Variants in ZNF554 observed in about 807,000 individuals in gnomAD.
The protein encoded by ZNF554 is zinc finger protein 554.
A neutral mutation model predicts 21.2 loss-of-function variants in ZNF554; 15 were observed. That is an observed-to-expected ratio of 0.71 (90% CI 0.47 to 1.09). ZNF554 has a LOEUF of 1.09. Ranked by LOEUF, ZNF554 falls within the 50% of genes least tolerant of loss-of-function variation. The pLI is 0.00. For synonymous variants in ZNF554, 258 were observed against 251.4 expected, an observed-to-expected ratio of 1.03 and a Z score of -0.25; for missense variants, 691 against 662.7, an observed-to-expected ratio of 1.04 and a Z score of -0.47.
rs747258478 is a variant in ZNF554, at chr19:2,834,141, G to A, written c.906G>A (p.Gly302=). Residue 302 remains glycine (G), a synonymous_variant, in exon 5 of 5, where the codon GGG becomes GGA. Coordinates refer to ENST00000317243, the MANE Select transcript of ZNF554 (RefSeq NM_001102651.2). ...GGKMFVYLEN[G]QSLNHGMALT... Reference sequence around the variant, plus strand: ...AGATGTTTGTGTATTTGGAAAATGGGCAGTCATTGAACCACGGTATGGCCC... The same window carrying A: ...AGATGTTTGTGTATTTGGAAAATGGACAGTCATTGAACCACGGTATGGCCC... 6.2e-7 allele frequency: 1 copy of A among 1,614,020 alleles called. No homozygotes were observed. Among genetic ancestry groups the A allele is most frequent in the Non-Finnish European group, 8.5e-7 (1 of 1,180,036 alleles).
rs763728556 is a variant in ZNF554 at position 2,834,115 on chromosome 19, A to G, written c.880A>G (p.Lys294Glu). The change falls in exon 5 of 5, where the codon AAG (lysine) becomes GAG (glutamate). Residue 294 changes from lysine to glutamate, a missense_variant. Transcript: ENST00000317243. ...QNSHFIQHGG[K>E]MFVYLENGQS... Reference sequence around the variant, plus strand: ...CAGTCACTTTATTCAACACGGGGGGAAGATGTTTGTGTATTTGGAAAATGG... The same window carrying G: ...CAGTCACTTTATTCAACACGGGGGGGAGATGTTTGTGTATTTGGAAAATGG... 3 of 1,613,926 alleles carry G rather than the reference A, an allele frequency of 1.9e-6. No homozygotes were observed. The African/African-American group carries it at 4.0e-5, about 22-fold the overall frequency.
chr19:2,826,958 G>A (rs1599547135), intron 2 of ZNF554, among the ~76,000 whole-genome samples: 1 of 152,136 alleles, frequency 6.6e-6, no homozygotes, highest in Non-Finnish European at 1.5e-5. Context: ...CACTGCGACT[G>A]GCTGCAGATT....
rs562495427 is a variant in ZNF554, at chr19:2,824,844, A to G, written c.126+1732A>G. 7.3e-4 allele frequency among the ~76,000 whole-genome samples: 111 copies of G among 151,958 alleles called. 1 individual carries two copies. Among genetic ancestry groups the G allele is most frequent in the African/African-American group, 2.5e-3 (104 of 41,440 alleles). On this transcript the variant is annotated intron_variant, in intron 2 of 4. Transcript: ENST00000317243. ...CAAACTGAAGCTCTGTCCCCATGAGACACTCATTCCCTGTCCCCCTCCCCA... is the reference window on the plus strand; with the variant it reads ...CAAACTGAAGCTCTGTCCCCATGAGGCACTCATTCCCTGTCCCCCTCCCCA...
At position 2,826,873 on chromosome 19, in the gene ZNF554, A is replaced by G. The variant is rs556459930; in HGVS notation, c.127-744A>G. Among the ~76,000 whole-genome samples the G allele has an allele frequency of 3.3e-5, 5 of 152,200 alleles. No individual in the cohort carries two copies. The East Asian group carries it at 9.7e-4, about 29-fold the overall frequency. On this transcript the variant is annotated intron_variant, in intron 2 of 4. Transcript: ENST00000317243. ...GAGACGGGGTTTCACTGCGTTCGCCAGGATGGTCTCGATCTCCTGACGTCG... is the reference window on the plus strand; with the variant it reads ...GAGACGGGGTTTCACTGCGTTCGCCGGGATGGTCTCGATCTCCTGACGTCG...
At position 2,833,981 on chromosome 19, in the gene ZNF554, T is replaced by G. The variant is rs2087457970; in HGVS notation, c.746T>G (p.Leu249Ter). The G allele has an allele frequency of 6.2e-7, 1 of 1,613,994 alleles. No individual in the cohort carries two copies. The highest frequency in any genetic ancestry group is 1.1e-5 in the South Asian group (1 of 91,092). ...SKGNHLCGSE[L>*]DITSLASDSV... Reference sequence around the variant, plus strand: ...GGGAACCACTTGTGTGGCAGCGAGTTAGATATTACAAGCTTGGCATCCGAT... The same window carrying G: ...GGGAACCACTTGTGTGGCAGCGAGTGAGATATTACAAGCTTGGCATCCGAT... The change falls in exon 5 of 5, where the codon TTA becomes TGA. Residue 249 changes from leucine to a stop codon, truncating the protein, a stop_gained. Transcript: ENST00000317243. LOFTEE classifies it low-confidence loss of function (END_TRUNC).
In ZNF554 at chr19:2,820,105, C is replaced by T; in HGVS notation, c.34C>T (p.Arg12Trp). ...VTCAHLGRRARLPAAQPSACP... is the reference protein window; with the variant it reads ...VTCAHLGRRAWLPAAQPSACP... ...CTGCGCCCACCTGGGCCGGCGCGCG[C>T]GGCTCCCGGCAGCTCAGCCGTAAGT... is the stretch of plus-strand genomic sequence containing the variant. The change falls in exon 1 of 5, where the codon CGG (arginine) becomes TGG (tryptophan). Residue 12 changes from arginine to tryptophan, a missense_variant. Physicochemically the swap from Arg to Trp is moderately radical, Grantham distance 101. Coordinates refer to ENST00000317243, the MANE Select transcript of ZNF554 (RefSeq NM_001102651.2). The T allele has an allele frequency of 8.2e-7, 1 of 1,218,350 alleles. No homozygotes were observed. The highest frequency in any genetic ancestry group is 1.0e-6 in the Non-Finnish European group (1 of 978,906). The allele number at this position is 1,218,350 out of a possible 1,614,324, so 75.5% of individuals were successfully genotyped here. A position where few individuals can be genotyped will look rare whatever the true frequency, so the allele number is the denominator to read the frequency against.
At position 2,832,457 on chromosome 19, in the gene ZNF554, G is replaced by A. The variant is rs1364448344; in HGVS notation, c.408G>A (p.Trp136Ter). ...ACTTGGAGCAAAGAGAAGCCCTGTG[G>A]ATAGAGGAAAAAGGAACTCCTCAAG... Reference protein sequence around the residue: ...SSHLEQREALWIEEKGTPQAS... With the variant: ...SSHLEQREAL Residue 136 changes from tryptophan (W) to a stop codon, truncating the protein, a stop_gained, in exon 4 of 5, where the codon TGG becomes TGA. Transcript: ENST00000317243. LOFTEE classifies it low-confidence loss of function (END_TRUNC). 6.2e-7 allele frequency: 1 copy of A among 1,611,980 alleles called. No individual in the cohort carries two copies. Among genetic ancestry groups the A allele is most frequent in the South Asian group, 1.1e-5 (1 of 90,742 alleles).
Position 2,834,684 on chromosome 19 carries a change from G to A in ZNF554, c.1449G>A (p.Glu483=), listed in dbSNP as rs1479986418. 4 of 1,613,912 alleles carry A rather than the reference G, an allele frequency of 2.5e-6. No homozygotes were observed. Among genetic ancestry groups the A allele is most frequent in the Non-Finnish European group, 1.7e-6 (2 of 1,179,950 alleles). The part of the protein sequence containing the change: ...FSQRSSLVRH[E]RTHTGEKPYR... ...AGAGGTCTTCCCTTGTGAGGCACGA[G>A]AGAACTCACACTGGAGAGAAACCCT... is the stretch of plus-strand genomic sequence containing the variant. The change falls in exon 5 of 5, where the codon GAG becomes GAA. Residue 483 remains glutamate, a synonymous_variant. Coordinates refer to ENST00000317243, the MANE Select transcript of ZNF554 (RefSeq NM_001102651.2).
chr19:2,828,555 T>C (rs2087367533), intron 3 of ZNF554, among the ~76,000 whole-genome samples: 1 of 151,784 alleles, frequency 6.6e-6, no homozygotes, highest in Non-Finnish European at 1.5e-5. Flanking sequence ...TAATCCCAGC[T>C]ACTCAGGAGG....
rs1236109311 is a variant in ZNF554 at position 2,834,393 on chromosome 19, G to T, written c.1158G>T (p.Gly386=). 7 of 1,613,844 alleles carry T rather than the reference G, an allele frequency of 4.3e-6. No individual in the cohort carries two copies. In the South Asian group the frequency reaches 7.7e-5, roughly 18 times the overall value. The change falls in exon 5 of 5, where the codon GGG becomes GGT. Residue 386 remains glycine (G), a synonymous_variant. Coordinates refer to ENST00000317243, the MANE Select transcript of ZNF554 (RefSeq NM_001102651.2). ...GEKPYGCGEC[G]KAFNRISSLT... ...AGCCCTACGGGTGCGGTGAGTGCGG[G>T]AAAGCCTTCAACAGGATCTCATCGC...
Position 2,819,975 on chromosome 19 carries a change from G to C in ZNF554, c.-97G>C. 5 of 990,262 alleles carry C rather than the reference G, an allele frequency of 5.0e-6. No homozygotes were observed. The highest frequency in any genetic ancestry group is 6.4e-6 in the Non-Finnish European group (5 of 781,264). The allele number at this position is 990,262 out of a possible 1,614,324, so 61.3% of individuals were successfully genotyped here. A position where few individuals can be genotyped will look rare whatever the true frequency, so the allele number is the denominator to read the frequency against. Reference sequence around the variant, plus strand: ...CGCTCCGAGCGCCGAGGAGCCGAGCGGAGGAGGCGTCCCAGGGACACGCAG... The same window carrying C: ...CGCTCCGAGCGCCGAGGAGCCGAGCCGAGGAGGCGTCCCAGGGACACGCAG... On this transcript the variant is annotated 5_prime_UTR_variant, in exon 1 of 5. Transcript: ENST00000317243.
At position 2,833,814 on chromosome 19, in the gene ZNF554, T is replaced by A; in HGVS notation, c.579T>A (p.His193Gln). ...GATGGAAGCAGTTAGAGGACAGCCA[T>A]GAAGACCCCCAGGGGCTTTTGAGCC... is the stretch of plus-strand genomic sequence containing the variant. Reference protein sequence around the residue: ...DGGWKQLEDSHEDPQGLLSQK... With the variant: ...DGGWKQLEDSQEDPQGLLSQK... Residue 193 changes from histidine (H) to glutamine (Q), a missense_variant, in exon 5 of 5, where the codon CAT becomes CAA. Physicochemically the swap from His to Gln is conservative, Grantham distance 24. Transcript: ENST00000317243. The A allele has an allele frequency of 1.2e-6, 2 of 1,612,686 alleles. No individual in the cohort carries two copies. Among genetic ancestry groups the A allele is most frequent in the South Asian group, 1.1e-5 (1 of 90,980 alleles).
Position 2,833,884 on chromosome 19 carries a change from A to G in ZNF554, c.649A>G (p.Thr217Ala), listed in dbSNP as rs2087455325. The change falls in exon 5 of 5, where the codon ACT (threonine) becomes GCT (alanine). Residue 217 changes from threonine (T) to alanine (A), a missense_variant. Physicochemically the swap from Thr to Ala is moderately conservative, Grantham distance 58 (BLOSUM62 0). Transcript: ENST00000317243. Reference protein sequence around the residue: ...HVVAVPQEKATAWHGFGENGN... With the variant: ...HVVAVPQEKAAAWHGFGENGN... ...AGTGGCCGTTCCTCAGGAGAAGGCT[A>G]CTGCATGGCATGGATTTGGGGAAAA... is the stretch of plus-strand genomic sequence containing the variant. 6.2e-7 allele frequency: 1 copy of G among 1,613,652 alleles called. No homozygotes were observed. Among genetic ancestry groups the G allele is most frequent in the Non-Finnish European group, 8.5e-7 (1 of 1,179,754 alleles).
At position 2,834,152 on chromosome 19, in the gene ZNF554, ACC is replaced by A; in HGVS notation, c.918_919del (p.Asn306LysfsTer19). The A allele has an allele frequency of 6.2e-7, 1 of 1,614,032 alleles. No homozygotes were observed. The highest frequency in any genetic ancestry group is 8.5e-7 in the Non-Finnish European group (1 of 1,180,038). On this transcript the variant is annotated frameshift_variant, in exon 5 of 5. Transcript: ENST00000317243. LOFTEE classifies it low-confidence loss of function (END_TRUNC). ...TATTTGGAAAATGGGCAGTCATTGAACCACGGTATGGCCCTGACTATCCACAA... is the reference window on the plus strand; with the variant it reads ...TATTTGGAAAATGGGCAGTCATTGAAACGGTATGGCCCTGACTATCCACAA...
chr19:2,829,764 A>G (rs564896932), intron 3 of ZNF554, among the ~76,000 whole-genome samples: 50 of 152,262 alleles, frequency 3.3e-4, no homozygotes, highest in African/African-American at 1.1e-3. Context: ...CACTAAATGC[A>G]TTCAGCATGT....
rs368653141 is a variant in ZNF554 at position 2,834,217 on chromosome 19, C to T, written c.982C>T (p.Gln328Ter). 1.2e-6 allele frequency: 2 copies of T among 1,613,906 alleles called. No individual in the cohort carries two copies. Among genetic ancestry groups the T allele is most frequent in the Non-Finnish European group, 1.7e-6 (2 of 1,180,040 alleles). Residue 328 changes from glutamine (Q) to a stop codon, truncating the protein, a stop_gained, in exon 5 of 5, where the codon CAG (glutamine) becomes TAG (stop). Transcript: ENST00000317243. LOFTEE classifies it low-confidence loss of function (END_TRUNC). ...GGCAGAGAAACCCTTTGAGTGCCAC[C>T]AGTGTGGGAAGGTGTTCAACCGGAG... ...NTAEKPFECHQCGKVFNRRHS... is the reference protein window; with the variant it reads ...NTAEKPFECH
chr19:2,829,693 ATATCTC>A (rs2087387153), intron 3 of ZNF554, among the ~76,000 whole-genome samples: 2 of 152,252 alleles, frequency 1.3e-5, no homozygotes, highest in South Asian at 4.1e-4. Flanking sequence ...ATCTATCTAT[ATATCTC>A]TATATAAACA....
In ZNF554 at chr19:2,819,961, C is replaced by T; in HGVS notation, c.-111C>T. On this transcript the variant is annotated 5_prime_UTR_variant, in exon 1 of 5. Transcript: ENST00000317243. ...CTGCGGGGGGCGTCCGCTCCGAGCG[C>T]CGAGGAGCCGAGCGGAGGAGGCGTC... 2 of 880,196 alleles carry T rather than the reference C, an allele frequency of 2.3e-6. No individual in the cohort carries two copies. The highest frequency in any genetic ancestry group is 4.0e-5 in the East Asian group (1 of 24,784). The allele number at this position is 880,196 out of a possible 1,614,324, so 54.5% of individuals were successfully genotyped here.
rs762586098 is a variant in ZNF554 at position 2,820,684 on chromosome 19, C to CTTTTTTTTTTTTTT, written c.53+563_53+576dup. Among the ~76,000 whole-genome samples the CTTTTTTTTTTTTTT allele has an allele frequency of 3.4e-4, 35 of 103,174 alleles. 1 individual carries two copies. Among genetic ancestry groups the CTTTTTTTTTTTTTT allele is most frequent in the African/African-American group, 8.4e-4 (22 of 26,148 alleles). 67.7% of individuals were successfully genotyped at this position (103,174 alleles called of 152,430 possible). ...TCCTGGTGATAAGACAGCAAGGGTC[C>CTTTTTTTTTTTTTT]TTTTTTTTTTTTTTTTGAGACGGAG... On this transcript the variant is annotated intron_variant, in intron 1 of 4. Transcript: ENST00000317243.
Sources: gnomAD v4.1 joint callset for allele counts (sites outside exome capture counted in the v4.1 genomes callset) on GRCh38, gnomAD v4.1.1 for gene constraint, MANE v1.5 for transcripts, NCBI Gene and HGNC (gene_info 2026-07-23, HGNC 2026-07-21) for gene names.